The following DNAI7 variants were observed in gnomAD, a reference collection of about 807,000 sequenced individuals.
DNAI7 encodes cancer susceptibility 1.
A neutral mutation model predicts 86.6 loss-of-function variants in DNAI7; 78 were observed. That is an observed-to-expected ratio of 0.90 (90% CI 0.75 to 1.09). DNAI7 has a LOEUF of 1.09. Among genes scored for constraint, DNAI7 ranks in the 50% least tolerant of loss-of-function variants. The pLI is 0.00. For synonymous variants in DNAI7, 274 were observed against 273.0 expected, an observed-to-expected ratio of 1.00 and a Z score of -0.04; for missense variants, 753 against 810.2, an observed-to-expected ratio of 0.93 and a Z score of 0.86.
chr12:25,192,387 G>A (rs1950605322), intron 1 of DNAI7, among the ~76,000 whole-genome samples: 1 of 152,204 alleles, frequency 6.6e-6, no homozygotes, highest in African/African-American at 2.4e-5. Flanking sequence ...ACTATGTAGT[G>A]AAGTAGTTCT....
At chr12:25,170,390 C>CAAA (rs756021792) in intron 2 of DNAI7, among the ~76,000 whole-genome samples, 1 of 90,602 alleles carries the variant, frequency 1.1e-5, no homozygotes, top group Admixed American at 1.2e-4. Context: ...GACTCCGTCT[C>CAAA]AAAAAAAAAA....
chr12:25,158,510 G>A lies in DNAI7; in HGVS notation c.160C>T (p.Arg54Ter), dbSNP rs546158870. Residue 54 changes from arginine to a stop codon, truncating the protein, a stop_gained, in exon 4 of 16, where the codon CGA becomes TGA. Transcript: ENST00000395987. LOFTEE classifies it high-confidence loss of function. ...CGATGCCATTTTTCTTTCTCAATTC[G>A]CTGTATTTCAAGCCTTTCCATTTCT... Reference protein sequence around the residue: ...KEEMERLEIQRIEKEKWHRLE... With the variant: ...KEEMERLEIQ The A allele has an allele frequency of 2.0e-5, 33 of 1,612,704 alleles. No homozygotes were observed. Among genetic ancestry groups the A allele is most frequent in the East Asian group, 4.5e-5 (2 of 44,762 alleles).
intron 12 of DNAI7, among the ~76,000 whole-genome samples, chr12:25,116,158 G>A (rs894117120): frequency 1.3e-5 from 2 of 149,646 alleles, no homozygotes; most frequent in East Asian, 2.0e-4. Context: ...CTTCCCAGAC[G>A]TGCTCTCCAT....
intron 9 of DNAI7, among the ~76,000 whole-genome samples, chr12:25,136,733 G>C (rs1302688066): frequency 6.6e-6 from 1 of 152,062 alleles, no homozygotes; most frequent in South Asian, 2.1e-4. Flanking sequence ...ACAACTTCTG[G>C]AAAAGAAAGA....
At chr12:25,108,896 A>T in intron 15 of DNAI7, 73 bp from the exon 16 acceptor site, 1 of 899,596 alleles carries the variant, frequency 1.1e-6, no homozygotes, top group Non-Finnish European at 1.6e-6. Flanking sequence ...GCAGATTATT[A>T]TTTGAAGGGC....
intron 14 of DNAI7, 110 bp downstream of exon 14, chr12:25,111,662 A>G: frequency 2.1e-6 from 1 of 486,104 alleles, no homozygotes; most frequent in Non-Finnish European, 3.0e-6. Flanking sequence ...ATAATACTGT[A>G]TAAATGAATA....
chr12:25,170,441 T>C (rs576081720), intron 2 of DNAI7, among the ~76,000 whole-genome samples: 1 of 148,826 alleles, frequency 6.7e-6, no homozygotes, highest in Admixed American at 6.7e-5. Context: ...ATCCTAAACA[T>C]ACATGCACCT....
intron 5 of DNAI7, 29 bp downstream of exon 5, chr12:25,155,282 A>C: frequency 2.7e-5 from 31 of 1,160,210 alleles, no homozygotes; most frequent in Non-Finnish European, 3.6e-5. Flanking sequence ...TGACAAAGGT[A>C]TTAGCTAAAA....
chr12:25,134,445 C>T lies in DNAI7; in HGVS notation c.1002+9920G>A, dbSNP rs888468316. On this transcript the variant is annotated intron_variant, in intron 9 of 15. Coordinates refer to ENST00000395987, the MANE Select transcript of DNAI7 (RefSeq NM_018272.5). ...AATCTCGGCTCATTGCAACCTCTGC[C>T]TCCCAGGTTCAAGTGATTCTCGTGC... 2.1e-5 allele frequency among the ~76,000 whole-genome samples: 3 copies of T among 143,268 alleles called. No individual in the cohort carries two copies. The Admixed American group carries it at 2.3e-4, about 11-fold the overall frequency. 94.0% of individuals were successfully genotyped at this position (143,268 alleles called of 152,430 possible). A position where few individuals can be genotyped will look rare whatever the true frequency, so the allele number is the denominator to read the frequency against.
intron 1 of DNAI7, among the ~76,000 whole-genome samples, chr12:25,194,189 CCACTCTCCTTCCCTTGTTTCCCCT>C (rs1950821739): frequency 6.6e-6 from 1 of 152,156 alleles, no homozygotes; most frequent in Non-Finnish European, 1.5e-5. Context: ...TTGAAAAGCA[CCACTCTCCTTCCCTTGTTTCCCCT>C]CACTGAAATT....
intron 2 of DNAI7, among the ~76,000 whole-genome samples, chr12:25,181,629 C>T (rs1282064489): frequency 6.6e-6 from 1 of 151,768 alleles, no homozygotes; most frequent in African/African-American, 2.4e-5. Context: ...AAAATATTTT[C>T]AAACTATGCA....
chr12:25,145,338 C>A (rs952417784), intron 8 of DNAI7, among the ~76,000 whole-genome samples: 1 of 152,166 alleles, frequency 6.6e-6, no homozygotes. Context: ...GAGCACAGAA[C>A]TCATCATCCT....
chr12:25,182,356 A>AC (rs1165274851), intron 2 of DNAI7, among the ~76,000 whole-genome samples: 4 of 151,562 alleles, frequency 2.6e-5, no homozygotes, highest in Non-Finnish European at 4.4e-5. Context: ...TCAAAAAAAA[A>AC]AAAAAAAAAA....
intron 6 of DNAI7, among the ~76,000 whole-genome samples, chr12:25,152,242 A>G (rs1265552629): frequency 2.0e-5 from 3 of 152,230 alleles, no homozygotes; most frequent in Non-Finnish European, 2.9e-5. Context: ...GTCTCAGAGG[A>G]TGGCGGCTGA....
intron 2 of DNAI7, among the ~76,000 whole-genome samples, chr12:25,170,222 C>A (rs1188397911): frequency 1.3e-5 from 2 of 151,936 alleles, no homozygotes; most frequent in Non-Finnish European, 2.9e-5. Flanking sequence ...GAAACTCTGT[C>A]TCTACTAAAA....
chr12:25,151,802 A>G (rs1945577582), intron 6 of DNAI7, among the ~76,000 whole-genome samples: 1 of 152,214 alleles, frequency 6.6e-6, no homozygotes, highest in Middle Eastern at 3.2e-3. Context: ...CAAGCAAATC[A>G]CAATCTATGT....
At chr12:25,168,057 G>A (rs893760727) in intron 2 of DNAI7, among the ~76,000 whole-genome samples, 1 of 151,960 alleles carries the variant, frequency 6.6e-6, no homozygotes, top group Non-Finnish European at 1.5e-5. Context: ...CATGAAAATC[G>A]AACCTCCCCC....
In DNAI7 at chr12:25,121,694, T is replaced by C. The variant is rs1008790994; in HGVS notation, c.1239+59A>G. The C allele has an allele frequency of 8.2e-6, 11 of 1,344,536 alleles. No individual in the cohort carries two copies. The African/African-American group carries it at 1.5e-4, about 18-fold the overall frequency. 83.3% of individuals were successfully genotyped at this position (1,344,536 alleles called of 1,614,324 possible). A position where few individuals can be genotyped will look rare whatever the true frequency, so the allele number is the denominator to read the frequency against. On this transcript the variant is annotated intron_variant, in intron 11 of 15. Transcript: ENST00000395987. ...TTATTAGATGTTAGATAATATGAAATAAAGTAAAAGCGTGAGCAATTATTT... is the reference window on the plus strand; with the variant it reads ...TTATTAGATGTTAGATAATATGAAACAAAGTAAAAGCGTGAGCAATTATTT...
intron 11 of DNAI7, among the ~76,000 whole-genome samples, chr12:25,120,836 T>C (rs1176349761): frequency 6.6e-6 from 1 of 152,224 alleles, no homozygotes; most frequent in Non-Finnish European, 1.5e-5. Flanking sequence ...ACAACTATTA[T>C]CACCAAAGTG....
Sources: allele counts gnomAD v4.1 joint callset (sites outside exome capture counted in the v4.1 genomes callset), GRCh38; gene constraint gnomAD v4.1.1; transcripts MANE v1.5; gene names NCBI Gene and HGNC (gene_info 2026-07-23, HGNC 2026-07-21).